The following VAV3 variants were observed in gnomAD, a reference collection of about 807,000 sequenced individuals.
VAV3 encodes the protein guanine nucleotide exchange factor VAV3.
VAV3 carries 94 observed loss-of-function variants against 131.2 expected under a neutral mutation model. That is an observed-to-expected ratio of 0.72 (90% CI 0.61 to 0.85). VAV3 has a LOEUF of 0.85. VAV3 is among the 40% of genes least tolerant of loss of function. The pLI, the probability that VAV3 is intolerant of heterozygous loss-of-function variation, is 0.00. For synonymous variants in VAV3, 349 were observed against 342.0 expected (o/e 1.02, Z -0.22); for missense variants, 939 against 1,002.7 (o/e 0.94, Z 0.86).
intron 2 of VAV3, among the ~76,000 whole-genome samples, chr1:107,780,434 T>C (rs1275891788): frequency 2.0e-5 from 3 of 152,206 alleles, no homozygotes; most frequent in Non-Finnish European, 4.4e-5. Flanking sequence ...CTTCCTTCAA[T>C]CTTTTGTCCT....
At chr1:107,641,469 C>T (rs12121048) in intron 20 of VAV3, among the ~76,000 whole-genome samples, 4,825 of 152,216 alleles carry the variant, frequency 0.032, 112 homozygotes, top group East Asian at 0.065. Flanking sequence ...CTAACATACA[C>T]ATGAAATTCG....
chr1:107,725,864 C>G (rs942668331), intron 15 of VAV3, among the ~76,000 whole-genome samples: 2 of 152,020 alleles, frequency 1.3e-5, no homozygotes, highest in African/African-American at 4.8e-5. Context: ...TCCTGGGCAC[C>G]TATAATATCT....
chr1:107,869,497 AATTTC>A (rs1031977376), intron 2 of VAV3, among the ~76,000 whole-genome samples: 2 of 152,080 alleles, frequency 1.3e-5, no homozygotes, highest in African/African-American at 4.8e-5. Flanking sequence ...TGACATACAC[AATTTC>A]ATTTAATACT....
intron 1 of VAV3, among the ~76,000 whole-genome samples, chr1:107,937,266 A>T (rs1379061001): frequency 6.6e-6 from 1 of 152,206 alleles, no homozygotes; most frequent in African/African-American, 2.4e-5. Flanking sequence ...TTATAGAGGC[A>T]AGGATGAAAC....
rs556390114 is a variant in VAV3, at chr1:107,908,868, C to T, written c.205-33851G>A. On this transcript the variant is annotated intron_variant, in intron 1 of 26. Coordinates refer to ENST00000370056, the MANE Select transcript of VAV3 (RefSeq NM_006113.5). ...ACACACACACACACACACACACACA[C>T]ACACACAATATAAAACATATTCTGG... Among the ~76,000 whole-genome samples, 459 of 115,872 alleles carry T rather than the reference C, an allele frequency of 4.0e-3. 4 individuals carry two copies. Among genetic ancestry groups the T allele is most frequent in the African/African-American group, 0.016 (438 of 27,270 alleles). The allele number at this position is 115,872 out of a possible 152,430, so 76.0% of individuals were successfully genotyped here.
intron 18 of VAV3, among the ~76,000 whole-genome samples, 195 bp downstream of exon 18, chr1:107,688,186 G>A (rs1040791429): frequency 4.6e-5 from 7 of 151,944 alleles, no homozygotes; most frequent in East Asian, 3.9e-4. Flanking sequence ...TAAGACCTTC[G>A]GACAGTGACA....
chr1:107,577,247 T>C (rs1460079106), intron 25 of VAV3, among the ~76,000 whole-genome samples: 1 of 152,158 alleles, frequency 6.6e-6, no homozygotes, highest in Non-Finnish European at 1.5e-5. Context: ...ATGAGAAAAA[T>C]CTGGACTCAA....
intron 19 of VAV3, among the ~76,000 whole-genome samples, chr1:107,645,021 T>G (rs1387528051): frequency 6.6e-6 from 1 of 151,936 alleles, no homozygotes. Flanking sequence ...GCTTTTCTAG[T>G]CCCACTTATT....
chr1:107,840,762 A>G (rs538765897), intron 2 of VAV3, among the ~76,000 whole-genome samples: 2 of 152,314 alleles, frequency 1.3e-5, no homozygotes, highest in African/African-American at 4.8e-5. Flanking sequence ...AAGCACTGAA[A>G]GCATTTTAAA....
chr1:107,778,415 AC>A (rs1665492204), intron 3 of VAV3, among the ~76,000 whole-genome samples: 1 of 147,092 alleles, frequency 6.8e-6, no homozygotes, highest in African/African-American at 2.5e-5. Context: ...AAAAATCTTT[AC>A]ATATAATAAC....
intron 2 of VAV3, among the ~76,000 whole-genome samples, chr1:107,796,943 A>AGTTT (rs5776900): frequency 0.33 from 49,891 of 151,472 alleles, 8,652 homozygotes; most frequent in Non-Finnish European, 0.39. Flanking sequence ...AATTCAATCA[A>AGTTT]GTTTGTTTTG....
At chr1:107,789,581 G>C (rs373492496) in intron 2 of VAV3, among the ~76,000 whole-genome samples, 7 of 152,288 alleles carry the variant, frequency 4.6e-5, no homozygotes, top group Admixed American at 1.3e-4. Flanking sequence ...TACACTGCTT[G>C]AAAGTGTTCA....
chr1:107,962,393 T>A (rs1368918466), intron 1 of VAV3, among the ~76,000 whole-genome samples: 1 of 152,230 alleles, frequency 6.6e-6, no homozygotes, highest in Non-Finnish European at 1.5e-5. Context: ...GTTTTAAAAT[T>A]TCTATTGGAA....
At chr1:107,646,709 C>T (rs1029926186) in intron 19 of VAV3, among the ~76,000 whole-genome samples, 46 of 152,088 alleles carry the variant, frequency 3.0e-4, no homozygotes, top group African/African-American at 1.1e-3. Context: ...CTTGGTCTTA[C>T]ATCAGACAAA....
chr1:107,738,257 C>T (rs1662792759), intron 15 of VAV3, among the ~76,000 whole-genome samples: 1 of 152,040 alleles, frequency 6.6e-6, no homozygotes, highest in African/African-American at 2.4e-5. Flanking sequence ...TAATGTAAAT[C>T]ATGAATTAAT....
chr1:107,590,682 T>C (rs1442268222), intron 25 of VAV3, among the ~76,000 whole-genome samples: 1 of 152,202 alleles, frequency 6.6e-6, no homozygotes, highest in African/African-American at 2.4e-5. Flanking sequence ...AATGGTTTTA[T>C]CACTTGCCAG....
At chr1:107,598,440 T>C (rs1364610090) in intron 24 of VAV3, among the ~76,000 whole-genome samples, 2 of 152,180 alleles carry the variant, frequency 1.3e-5, no homozygotes, top group East Asian at 3.9e-4. Context: ...TATGTGTTCA[T>C]GATGTACTAG....
intron 2 of VAV3, among the ~76,000 whole-genome samples, chr1:107,832,224 C>T (rs1211694813): frequency 6.6e-6 from 1 of 152,166 alleles, no homozygotes; most frequent in Non-Finnish European, 1.5e-5. Flanking sequence ...GACTAATGGA[C>T]CTTAGTTCTC....
intron 1 of VAV3, among the ~76,000 whole-genome samples, chr1:107,906,318 C>T (rs1041975204): frequency 6.6e-6 from 1 of 152,080 alleles, no homozygotes; most frequent in African/African-American, 2.4e-5. Flanking sequence ...GCTGAAATGG[C>T]CAGCAAGGAA....
Sources: gnomAD v4.1 joint callset for allele counts (sites outside exome capture counted in the v4.1 genomes callset) on GRCh38, gnomAD v4.1.1 for gene constraint, MANE v1.5 for transcripts, NCBI Gene and HGNC (gene_info 2026-07-23, HGNC 2026-07-21) for gene names.